The following SNX19 variants were observed in gnomAD, a reference collection of about 807,000 sequenced individuals.
The protein encoded by SNX19 is sorting nexin 19.
Under a neutral mutation model 85.2 loss-of-function variants are expected in SNX19, and 60 were observed. That is an observed-to-expected ratio of 0.70 (90% CI 0.57 to 0.87). The LOEUF (loss-of-function observed/expected upper bound fraction) is 0.87. SNX19 is among the 40% of genes least tolerant of loss of function. The pLI, the probability that SNX19 is intolerant of heterozygous loss-of-function variation, is 0.00. For missense variants in SNX19, 1,201 were observed against 1,217.8 expected, an observed-to-expected ratio of 0.99 and a Z score of 0.21; for synonymous variants, 520 against 470.0, an observed-to-expected ratio of 1.11 and a Z score of -1.38.
At position 130,911,504 on chromosome 11, in the gene SNX19, G is replaced by C. The variant is rs1477316872; in HGVS notation, c.1813+129C>G. On this transcript the variant is annotated intron_variant, in intron 2 of 10. Coordinates refer to ENST00000265909, the MANE Select transcript of SNX19 (RefSeq NM_014758.3). ...AGCACTAAACTTCAAAACTCCTGAA[G>C]CAAATCCAGGGAGCAGAGAACCTTG... 8 of 1,516,834 alleles carry C rather than the reference G, an allele frequency of 5.3e-6. No individual in the cohort carries two copies. In the Admixed American group the frequency reaches 1.7e-4, roughly 32 times the overall value. 94.0% of individuals were successfully genotyped at this position (1,516,834 alleles called of 1,614,324 possible).
intron 2 of SNX19, among the ~76,000 whole-genome samples, 179 bp from the exon 3 acceptor site, chr11:130,910,549 A>T (rs932014370): frequency 5.3e-5 from 8 of 152,204 alleles, no homozygotes; most frequent in Non-Finnish European, 8.8e-5. Context: ...CTAAATTGTT[A>T]CAAGAGAGGG....
intron 8 of SNX19, among the ~76,000 whole-genome samples, chr11:130,899,769 T>C (rs1349421808): frequency 6.6e-6 from 1 of 152,108 alleles, no homozygotes; most frequent in Non-Finnish European, 1.5e-5. Flanking sequence ...TTACAACAAG[T>C]TTTTCAAAAG....
chr11:130,915,708 G>A lies in SNX19; in HGVS notation c.232C>T (p.His78Tyr). 1 of 1,614,246 alleles carries A rather than the reference G, an allele frequency of 6.2e-7. No homozygotes were observed. The highest frequency in any genetic ancestry group is 1.3e-5 in the African/African-American group (1 of 75,068). Reference protein sequence around the residue: ...SLAGVASGRLHLERFIPLATC... With the variant: ...SLAGVASGRLYLERFIPLATC... ...GCCAACGGGATGAAGCGTTCCAGAT[G>A]CAGTCGACCTGAAGCCACTCCAGCG... The change falls in exon 1 of 11, where the codon CAT (histidine) becomes TAT (tyrosine). Residue 78 changes from histidine to tyrosine, a missense_variant. Transcript: ENST00000265909.
chr11:130,903,164 CG>C (rs1254268316), intron 8 of SNX19, 90 bp downstream of exon 8: 52 of 1,547,306 alleles, frequency 3.4e-5, no homozygotes, highest in Non-Finnish European at 4.2e-5. Context: ...TCTTCTCTTA[CG>C]GCTGCAGATT....
intron 1 of SNX19, among the ~76,000 whole-genome samples, chr11:130,913,958 G>A (rs1946341783): frequency 6.6e-6 from 1 of 152,144 alleles, no homozygotes; most frequent in South Asian, 2.1e-4. Flanking sequence ...GAATCCAACA[G>A]AGTCTGTCAG....
chr11:130,879,772 C>G, intron 9 of SNX19, 61 bp from the exon 10 acceptor site: 1 of 1,473,022 alleles, frequency 6.8e-7, no homozygotes, highest in South Asian at 1.1e-5. Flanking sequence ...ATTCTAAGGA[C>G]AGTCTCTCCC....
chr11:130,903,387 G>A lies in SNX19; in HGVS notation c.2444-3C>T, dbSNP rs751026520. ...GTCAGCTAACTCTGTCTCTGTTCCT[G>A]AGGGATAAAATGGCATCAGGAGTAA... On this transcript the variant is annotated splice_region_variant and splice_polypyrimidine_tract_variant and intron_variant, in intron 7 of 10. Transcript: ENST00000265909. 1.9e-6 allele frequency: 3 copies of A among 1,612,036 alleles called. No homozygotes were observed. The highest frequency in any genetic ancestry group is 2.5e-6 in the Non-Finnish European group (3 of 1,179,720).
intron 1 of SNX19, among the ~76,000 whole-genome samples, chr11:130,912,576 A>G (rs1461741842): frequency 1.3e-5 from 2 of 152,218 alleles, no homozygotes; most frequent in Non-Finnish European, 2.9e-5. Flanking sequence ...GGAATGGGCT[A>G]TTATTTTTCG....
rs1347911289 is a variant in SNX19, at chr11:130,907,959, G to C, written c.2159C>G (p.Ala720Gly). The change falls in exon 5 of 11, where the codon GCT (alanine) becomes GGT (glycine). Residue 720 changes from alanine to glycine, a missense_variant. Transcript: ENST00000265909. ...GTAACTGAGGGCTTCTCACTTGCTA[G>C]CCTTCTTGCCTTCTGTCTGGGGCTT... Reference protein sequence around the residue: ...ESKPQTEGKKASKSRLRFSSS... With the variant: ...ESKPQTEGKKGSKSRLRFSSS... The C allele has an allele frequency of 1.2e-6, 2 of 1,613,886 alleles. No individual in the cohort carries two copies. The highest frequency in any genetic ancestry group is 1.7e-5 in the Admixed American group (1 of 60,014).
At chr11:130,896,598 C>T (rs1565527791) in intron 8 of SNX19, among the ~76,000 whole-genome samples, 1 of 152,130 alleles carries the variant, frequency 6.6e-6, no homozygotes, top group Non-Finnish European at 1.5e-5. Context: ...CACATGAGCT[C>T]TGAGGCCAGG....
At position 130,914,975 on chromosome 11, in the gene SNX19, G is replaced by C; in HGVS notation, c.965C>G (p.Ser322Cys). The C allele has an allele frequency of 6.2e-7, 1 of 1,614,126 alleles. No individual in the cohort carries two copies. The highest frequency in any genetic ancestry group is 8.5e-7 in the Non-Finnish European group (1 of 1,179,994). Reference protein sequence around the residue: ...VFLSYSEPEGSAGPSPEVEEG... With the variant: ...VFLSYSEPEGCAGPSPEVEEG... ...TTCAACCTCTGGAGAGGGGCCTGCA[G>C]AACCCTCTGGCTCACTGTAACTTAG... Residue 322 changes from serine (S) to cysteine (C), a missense_variant, in exon 1 of 11, where the codon TCT (serine) becomes TGT (cysteine). Physicochemically the swap from Ser to Cys is moderately radical, Grantham distance 112 (BLOSUM62 -1). This residue lies in a region of SNX19 where 791 missense variants were observed against 750.9 expected (regional missense o/e 1.05). Coordinates refer to ENST00000265909, the MANE Select transcript of SNX19 (RefSeq NM_014758.3).
chr11:130,881,002 C>A, intron 8 of SNX19, 196 bp from the exon 9 acceptor site: 1 of 400,080 alleles, frequency 2.5e-6, no homozygotes, highest in South Asian at 1.1e-4. Flanking sequence ...ATAAAAGAAA[C>A]CTGAGAGAGA....
At position 130,916,337 on chromosome 11, in the gene SNX19, C is replaced by A; in HGVS notation, c.-398G>T. ...GTCACACGCCGCCGGGAACCGCGCG[C>A]CCACACTCAGCCCCGACCTGAAGTG... On this transcript the variant is annotated 5_prime_UTR_variant, in exon 1 of 11. Transcript: ENST00000265909. 5.0e-6 allele frequency: 1 copy of A among 201,052 alleles called. No individual in the cohort carries two copies. The highest frequency in any genetic ancestry group is 1.0e-5 in the Non-Finnish European group (1 of 96,126). 12.5% of individuals were successfully genotyped at this position (201,052 alleles called of 1,614,324 possible).
intron 8 of SNX19, among the ~76,000 whole-genome samples, chr11:130,885,007 G>A (rs533263758): frequency 2.5e-4 from 38 of 152,150 alleles, no homozygotes; most frequent in South Asian, 6.2e-4. Flanking sequence ...GATAGCACTG[G>A]TTTTATTTTC....
At chr11:130,897,876 T>C (rs1423127364) in intron 8 of SNX19, among the ~76,000 whole-genome samples, 1 of 152,182 alleles carries the variant, frequency 6.6e-6, no homozygotes, top group African/African-American at 2.4e-5. Flanking sequence ...GCTCTCCCCT[T>C]CCCCTCCCTT....
At chr11:130,898,331 A>G (rs1945024078) in intron 8 of SNX19, among the ~76,000 whole-genome samples, 1 of 152,192 alleles carries the variant, frequency 6.6e-6, no homozygotes, top group African/African-American at 2.4e-5. Flanking sequence ...GAACATGAGG[A>G]CATTTTAAGG....
At chr11:130,898,424 T>C (rs909525521) in intron 8 of SNX19, among the ~76,000 whole-genome samples, 3 of 152,182 alleles carry the variant, frequency 2.0e-5, no homozygotes, top group African/African-American at 7.2e-5. Flanking sequence ...GAAGTGGCAG[T>C]ACCACGTGTG....
At chr11:130,899,877 T>C (rs1486338157) in intron 8 of SNX19, among the ~76,000 whole-genome samples, 1 of 152,206 alleles carries the variant, frequency 6.6e-6, no homozygotes, top group Non-Finnish European at 1.5e-5. Flanking sequence ...CCCATCACAA[T>C]AGTGATGCTT....
At chr11:130,910,476 G>A (rs1946020983) in intron 2 of SNX19, 106 bp from the exon 3 acceptor site, 2 of 842,880 alleles carry the variant, frequency 2.4e-6, no homozygotes, top group Non-Finnish European at 1.8e-6. Flanking sequence ...ATATTTCCTT[G>A]GATTAAAAAA....
Sources: allele counts gnomAD v4.1 joint callset (sites outside exome capture counted in the v4.1 genomes callset), GRCh38; gene constraint gnomAD v4.1.1; regional missense constraint gnomAD v4.1.1; transcripts MANE v1.5; gene names NCBI Gene and HGNC (gene_info 2026-07-23, HGNC 2026-07-21).